Variants in RPAP1 observed in about 807,000 individuals in gnomAD.
RPAP1 encodes the protein RNA polymerase II associated protein 1.
RPAP1 carries 109 observed loss-of-function variants against 142.4 expected under a neutral mutation model. That is an observed-to-expected ratio of 0.77 (90% CI 0.66 to 0.90). The LOEUF is 0.90. Among genes scored for constraint, RPAP1 ranks in the 40% least tolerant of loss-of-function variants. The pLI is 0.00. For synonymous variants in RPAP1, 704 were observed against 738.9 expected, an observed-to-expected ratio of 0.95 and a Z score of 0.77; for missense variants, 1,546 against 1,751.7, an observed-to-expected ratio of 0.88 and a Z score of 2.10.
intron 1 of RPAP1, among the ~76,000 whole-genome samples, chr15:41,542,336 T>G (rs2051978947): frequency 6.6e-6 from 1 of 152,170 alleles, no homozygotes; most frequent in South Asian, 2.1e-4. Context: ...TACAAGGCAG[T>G]ACATCCCAGT....
intron 17 of RPAP1, among the ~76,000 whole-genome samples, 177 bp from the exon 18 acceptor site, chr15:41,523,531 G>A (rs2051754370): frequency 6.6e-6 from 1 of 152,232 alleles, no homozygotes; most frequent in Non-Finnish European, 1.5e-5. Flanking sequence ...TAAAGAGGGA[G>A]CACACAGGCT....
chr15:41,524,667 G>T (rs1171267406), intron 15 of RPAP1, among the ~76,000 whole-genome samples: 1 of 151,872 alleles, frequency 6.6e-6, no homozygotes, highest in African/African-American at 2.4e-5. Context: ...ATAGAGACGG[G>T]GTTTCACCAT....
intron 14 of RPAP1, among the ~76,000 whole-genome samples, chr15:41,525,669 T>A (rs1365937962): frequency 6.8e-6 from 1 of 147,300 alleles, no homozygotes; most frequent in African/African-American, 2.5e-5. Context: ...TATTATTATT[T>A]TTTTAGATGG....
At chr15:41,535,702 C>T in intron 4 of RPAP1, 70 bp from the exon 5 acceptor site, 2 of 1,568,750 alleles carry the variant, frequency 1.3e-6, no homozygotes, top group Non-Finnish European at 1.7e-6. Flanking sequence ...CTCTTTATAT[C>T]AAGGCCTCTG....
Position 41,520,665 on chromosome 15 carries a change from G to A in RPAP1, c.3521C>T (p.Pro1174Leu), listed in dbSNP as rs1176429489. Residue 1174 changes from proline (P) to leucine (L), a missense_variant, in exon 22 of 25, where the codon CCA becomes CTA. This residue lies in a region of RPAP1 where 1,333 missense variants were observed against 1,486.6 expected (regional missense o/e 0.90). Coordinates refer to ENST00000304330, the MANE Select transcript of RPAP1 (RefSeq NM_015540.4). ...GAGGGCTGCCACCAGATGCTGTACT[G>A]GGGACTCCCGGAACAGCTCACTGTC... ...LVDSELFRESPVQHLVAALLA... is the reference protein window; with the variant it reads ...LVDSELFRESLVQHLVAALLA... The A allele has an allele frequency of 6.2e-7, 1 of 1,614,046 alleles. No individual in the cohort carries two copies. Among genetic ancestry groups the A allele is most frequent in the Non-Finnish European group, 8.5e-7 (1 of 1,180,046 alleles).
intron 2 of RPAP1, 30 bp from the exon 3 acceptor site, chr15:41,536,679 A>C: frequency 6.2e-7 from 1 of 1,609,284 alleles, no homozygotes; most frequent in Non-Finnish European, 8.5e-7. Flanking sequence ...AAACGTGAGT[A>C]TATGCACACC....
intron 21 of RPAP1, 51 bp downstream of exon 21, chr15:41,521,687 C>G (rs377287017): frequency 6.2e-7 from 1 of 1,602,270 alleles, no homozygotes. Flanking sequence ...CTGTTAACAA[C>G]TGCAGCAGCG....
rs746209058 is a variant in RPAP1, at chr15:41,536,923, C to G, written c.181+22G>C. 13 of 1,609,514 alleles carry G rather than the reference C, an allele frequency of 8.1e-6. 1 individual carries two copies. Among genetic ancestry groups the G allele is most frequent in the Non-Finnish European group, 9.3e-6 (11 of 1,176,712 alleles). On this transcript the variant is annotated intron_variant, in intron 2 of 24. Coordinates refer to ENST00000304330, the MANE Select transcript of RPAP1 (RefSeq NM_015540.4). Reference sequence around the variant, plus strand: ...AGGCTGTACCCTCTCTACTTCTCAGCCTCACATCCATGGGAACTCACTGTC... The same window carrying G: ...AGGCTGTACCCTCTCTACTTCTCAGGCTCACATCCATGGGAACTCACTGTC...
Position 41,528,241 on chromosome 15 carries a change from G to T in RPAP1, c.1254C>A (p.Ile418=). The change falls in exon 10 of 25, where the codon ATC becomes ATA. Residue 418 remains isoleucine (I), a synonymous_variant. Transcript: ENST00000304330. ...ALALHVLAQV[I]SRAQAGEFGD... is the part of the protein sequence containing the mutation. ...AGGCTGGCAATCCACTCACCCTGCT[G>T]ATGACCTGGGCTAACACATGCAGTG... 1 of 1,605,944 alleles carries T rather than the reference G, an allele frequency of 6.2e-7. No individual in the cohort carries two copies. The highest frequency in any genetic ancestry group is 8.5e-7 in the Non-Finnish European group (1 of 1,175,892).
intron 22 of RPAP1, among the ~76,000 whole-genome samples, chr15:41,518,677 T>C (rs1269395307): frequency 1.0e-5 from 1 of 98,660 alleles, no homozygotes; most frequent in Non-Finnish European, 2.0e-5. Context: ...AGACTCCGTC[T>C]CAAAAAAAAA....
Position 41,536,156 on chromosome 15 carries a change from A to C in RPAP1, c.393T>G (p.Ala131=). 1.2e-6 allele frequency: 2 copies of C among 1,614,186 alleles called. No homozygotes were observed. Among genetic ancestry groups the C allele is most frequent in the Non-Finnish European group, 1.7e-6 (2 of 1,180,020 alleles). Residue 131 remains alanine, a synonymous_variant, in exon 4 of 25, where the codon GCT becomes GCG. Coordinates refer to ENST00000304330, the MANE Select transcript of RPAP1 (RefSeq NM_015540.4). ...GTGTGTCCCGCGAGCGAAGGAACAC[A>C]GCAGGGAAAGCAACACCACTGGGCA... The part of the protein sequence containing the change: ...LPVPSGVAFP[A]VFLRSRDTQG...
intron 24 of RPAP1, 21 bp from the exon 25 acceptor site, chr15:41,517,712 T>G: frequency 6.2e-7 from 1 of 1,613,284 alleles, no homozygotes; most frequent in South Asian, 1.1e-5. Flanking sequence ...GAAAGAAAAC[T>G]TATGAAGTGG....
rs1423621357 is a variant in RPAP1, at chr15:41,517,403, C to A, written c.*139G>T. The A allele has an allele frequency of 5.1e-6, 4 of 780,312 alleles. No individual in the cohort carries two copies. The African/African-American group carries it at 5.2e-5, about 10-fold the overall frequency. The allele number at this position is 780,312 out of a possible 1,614,324, so 48.3% of individuals were successfully genotyped here. On this transcript the variant is annotated 3_prime_UTR_variant, in exon 25 of 25. Transcript: ENST00000304330. ...CACTGCTCTAAAACAGCTCAAACAA[C>A]CTGCTCCCAGGAAGGCAAGCCTTCT...
chr15:41,541,337 G>A (rs760627995), intron 1 of RPAP1, among the ~76,000 whole-genome samples: 19 of 151,612 alleles, frequency 1.3e-4, no homozygotes, highest in Admixed American at 2.6e-4. Flanking sequence ...GCAGGAGAAC[G>A]GTTTGAACCC....
chr15:41,523,392 C>T (rs773462534), intron 17 of RPAP1, 38 bp from the exon 18 acceptor site: 1 of 1,333,396 alleles, frequency 7.5e-7, no homozygotes, highest in South Asian at 1.3e-5. Flanking sequence ...GATGGCCCAG[C>T]CATTCATTCT....
chr15:41,531,621 ATATATATTTTTTTTTTTTT>A (rs1273247123), intron 6 of RPAP1, among the ~76,000 whole-genome samples: 2,560 of 32,202 alleles, frequency 0.079, 12 homozygotes, highest in East Asian at 0.19. Context: ...ATATATATAT[ATATATATTTTTTTTTTTTT>A]TTTTTTTTTT....
rs202198684 is a variant in RPAP1, at chr15:41,529,999, T to C, written c.944-20A>G. 1.0e-5 allele frequency: 16 copies of C among 1,600,570 alleles called. No homozygotes were observed. Among genetic ancestry groups the C allele is most frequent in the South Asian group, 3.3e-5 (3 of 90,524 alleles). The stretch of plus-strand genomic sequence containing the variant: ...CCAGAGCTGGGGAGACAAAGCATGA[T>C]AGTATTACCCAAACGGCTCAGCTCA... On this transcript the variant is annotated intron_variant, in intron 7 of 24. Coordinates refer to ENST00000304330, the MANE Select transcript of RPAP1 (RefSeq NM_015540.4).
chr15:41,521,146 C>G lies in RPAP1; in HGVS notation c.3040G>C (p.Glu1014Gln). Residue 1014 changes from glutamate to glutamine, a missense_variant and splice_region_variant, in exon 22 of 25, where the codon GAA becomes CAA. Transcript: ENST00000304330. ...SCVFRLEFLP[E>Q]RTSGGPEAAD... ...GCCTCTGGACCCCCTGATGTTCTTT[C>G]CCTGTAATGGGACCCAAAAGCCAAA... 6.6e-7 allele frequency: 1 copy of G among 1,509,936 alleles called. No individual in the cohort carries two copies. The highest frequency in any genetic ancestry group is 1.3e-5 in the South Asian group (1 of 74,160). The allele number at this position is 1,509,936 out of a possible 1,614,324, so 93.5% of individuals were successfully genotyped here. A position where few individuals can be genotyped will look rare whatever the true frequency, so the allele number is the denominator to read the frequency against.
At chr15:41,535,450 A>C in intron 5 of RPAP1, 62 bp downstream of exon 5, 2 of 1,529,540 alleles carry the variant, frequency 1.3e-6, no homozygotes, top group South Asian at 2.6e-5. Flanking sequence ...TATCTTCAAA[A>C]ATGACCCTAT....
Sources: allele counts gnomAD v4.1 joint callset (sites outside exome capture counted in the v4.1 genomes callset), GRCh38; gene constraint gnomAD v4.1.1; regional missense constraint gnomAD v4.1.1; transcripts MANE v1.5; gene names NCBI Gene and HGNC (gene_info 2026-07-23, HGNC 2026-07-21).